RBFOX1: variants seen among roughly 807,000 people sequenced by gnomAD.
RBFOX1 encodes the protein RNA binding protein fox-1 homolog 1.
A neutral mutation model predicts 57.7 loss-of-function variants in RBFOX1; 8 were observed. The ratio of observed to expected loss-of-function variants is 0.14; its 90% confidence interval spans 0.08 to 0.25. The LOEUF is 0.25. Ranked by LOEUF, RBFOX1 falls within the 10% of genes least tolerant of loss-of-function variation. The probability of loss-of-function intolerance (pLI) is 1.00; values close to 1 mark genes in which losing one functional copy is unlikely to be tolerated. For missense variants in RBFOX1, 611 were observed against 548.5 expected (o/e 1.11, Z -1.14); for synonymous variants, 326 against 222.4 (o/e 1.47, Z -4.15).
intron 1 of RBFOX1, among the ~76,000 whole-genome samples, chr16:6,235,257 G>T (rs1447256785): frequency 2.0e-5 from 3 of 151,908 alleles, no homozygotes; most frequent in African/African-American, 7.3e-5. Flanking sequence ...ATCTCGGAAG[G>T]CCTAACTCCC....
At chr16:6,168,128 G>A (rs571031683) in intron 1 of RBFOX1, among the ~76,000 whole-genome samples, 11 of 152,206 alleles carry the variant, frequency 7.2e-5, no homozygotes, top group East Asian at 5.8e-4. Context: ...ATTTTAATTC[G>A]TTTTCCCTCA....
At chr16:7,662,826 C>G (rs1378947589) in intron 12 of RBFOX1, among the ~76,000 whole-genome samples, 1 of 152,244 alleles carries the variant, frequency 6.6e-6, no homozygotes, top group African/African-American at 2.4e-5. Context: ...GAGGTAGGCA[C>G]TTACCTATTT....
At chr16:6,593,531 A>G (rs1025172855) in intron 2 of RBFOX1, among the ~76,000 whole-genome samples, 16 of 152,204 alleles carry the variant, frequency 1.1e-4, no homozygotes, top group African/African-American at 3.9e-4. Context: ...GGATCCATCT[A>G]GAATCGAGGA....
At chr16:5,717,586 G>A (rs1404585764) in intron 3 of RBFOX1, among the ~76,000 whole-genome samples, 1 of 151,982 alleles carries the variant, frequency 6.6e-6, no homozygotes, top group Non-Finnish European at 1.5e-5. Context: ...CCACTTATAA[G>A]TGCGAATATA....
chr16:7,370,094 T>C (rs1042437777), intron 4 of RBFOX1, among the ~76,000 whole-genome samples: 2 of 152,242 alleles, frequency 1.3e-5, no homozygotes, highest in African/African-American at 2.4e-5. Context: ...GAAAATTCTG[T>C]TGTTGAAGGG....
At chr16:5,491,044 TG>T (rs1203075705) in intron 2 of RBFOX1, among the ~76,000 whole-genome samples, 1 of 152,200 alleles carries the variant, frequency 6.6e-6, no homozygotes, top group African/African-American at 2.4e-5. Context: ...TGATCTGCAA[TG>T]GCCAATATCA....
chr16:7,121,571 C>A (rs2067191136), intron 4 of RBFOX1, among the ~76,000 whole-genome samples: 1 of 151,900 alleles, frequency 6.6e-6, no homozygotes. Flanking sequence ...AAAAGCAAAT[C>A]TAAATATATA....
chr16:6,114,109 C>G (rs1212165279), intron 1 of RBFOX1, among the ~76,000 whole-genome samples: 2 of 152,126 alleles, frequency 1.3e-5, no homozygotes, highest in Non-Finnish European at 2.9e-5. Flanking sequence ...CTCCCTTCAT[C>G]TTCTCTCATA....
At chr16:7,594,038 C>T (rs1484729554) in intron 7 of RBFOX1, among the ~76,000 whole-genome samples, 2 of 152,070 alleles carry the variant, frequency 1.3e-5, no homozygotes, top group Non-Finnish European at 2.9e-5. Flanking sequence ...AGGTTTGTTA[C>T]ATAGGTATAC....
At chr16:7,008,108 T>G (rs927499725) in intron 3 of RBFOX1, among the ~76,000 whole-genome samples, 21 of 152,192 alleles carry the variant, frequency 1.4e-4, no homozygotes, top group African/African-American at 5.1e-4. Flanking sequence ...CCCTTTATTG[T>G]TTCATGTACA....
intron 3 of RBFOX1, among the ~76,000 whole-genome samples, chr16:6,946,978 G>A (rs2079660690): frequency 6.6e-6 from 1 of 152,136 alleles, no homozygotes; most frequent in South Asian, 2.1e-4. Flanking sequence ...TTGAATCCCA[G>A]CCTGACCAGT....
At chr16:5,757,551 C>T (rs547506812) in intron 3 of RBFOX1, among the ~76,000 whole-genome samples, 83 of 152,150 alleles carry the variant, frequency 5.5e-4, no homozygotes, top group African/African-American at 1.9e-3. Flanking sequence ...TTTTAATAGG[C>T]CAGCCTAGAA....
intron 3 of RBFOX1, among the ~76,000 whole-genome samples, chr16:6,914,417 A>T (rs1048983320): frequency 1.3e-5 from 2 of 152,146 alleles, no homozygotes; most frequent in African/African-American, 4.8e-5. Flanking sequence ...AGGAAGAGAG[A>T]AGAGAAAAGA....
chr16:5,448,127 G>A (rs901013258), intron 1 of RBFOX1, among the ~76,000 whole-genome samples: 2 of 152,122 alleles, frequency 1.3e-5, no homozygotes, highest in Admixed American at 6.5e-5. Context: ...TAAATTGAGG[G>A]GTCATCTGGT....
At chr16:6,622,642 A>G (rs1430857727) in intron 2 of RBFOX1, among the ~76,000 whole-genome samples, 1 of 152,246 alleles carries the variant, frequency 6.6e-6, no homozygotes, top group East Asian at 1.9e-4. Context: ...ATAAATGAAT[A>G]TATGAATACA....
At position 5,826,157 on chromosome 16, in the gene RBFOX1, T is replaced by A. The variant is rs553107056; in HGVS notation, c.319-41146T>A. ...TATTCCTTATATATATTATTATATA[T>A]AACATATTATTCTTATATGTTATAT... On this transcript the variant is annotated intron_variant, in intron 3 of 19. Coordinates refer to the RBFOX1 transcript ENST00000641259. Among the ~76,000 whole-genome samples, 162 of 148,248 alleles carry A rather than the reference T, an allele frequency of 1.1e-3. 1 individual carries two copies. Among genetic ancestry groups the A allele is most frequent in the South Asian group, 6.3e-3 (30 of 4,758 alleles).
intron 3 of RBFOX1, among the ~76,000 whole-genome samples, chr16:6,747,256 C>G (rs538299956): frequency 1.3e-5 from 2 of 152,098 alleles, no homozygotes; most frequent in South Asian, 2.1e-4. Context: ...TAAAAATATA[C>G]AAATTAGCCT....
intron 4 of RBFOX1, among the ~76,000 whole-genome samples, chr16:7,453,705 G>C (rs552924751): frequency 9.7e-4 from 147 of 152,266 alleles, no homozygotes; most frequent in Non-Finnish European, 1.2e-3. Flanking sequence ...CTGAGTGTAA[G>C]ACAGCATCCT....
intron 3 of RBFOX1, among the ~76,000 whole-genome samples, chr16:6,884,041 A>T (rs1345541643): frequency 6.6e-6 from 1 of 152,054 alleles, no homozygotes; most frequent in Non-Finnish European, 1.5e-5. Context: ...TGACAAACTG[A>T]TCCTGTTAAG....
Sources: allele counts gnomAD v4.1 joint callset (sites outside exome capture counted in the v4.1 genomes callset), GRCh38; gene constraint gnomAD v4.1.1; transcripts MANE v1.5; gene names NCBI Gene and HGNC (gene_info 2026-07-23, HGNC 2026-07-21).